TMEM132D: variants seen among roughly 807,000 people sequenced by gnomAD.
The protein encoded by TMEM132D is mature OL transmembrane protein.
In TMEM132D, 21 loss-of-function variants were observed where a neutral mutation model predicts 62.3. The ratio of observed to expected loss-of-function variants is 0.34; its 90% CI spans 0.24 to 0.49. The LOEUF (loss-of-function observed/expected upper bound fraction) is 0.49. Among genes scored for constraint, TMEM132D ranks in the 20% least tolerant of loss-of-function variants. TMEM132D has a pLI of 0.99. For missense variants in TMEM132D, 1,346 were observed against 1,402.8 expected, an observed-to-expected ratio of 0.96 and a Z score of 0.65; for synonymous variants, 621 against 575.6, an observed-to-expected ratio of 1.08 and a Z score of -1.13.
intron 1 of TMEM132D, among the ~76,000 whole-genome samples, chr12:129,753,935 C>T (rs984046947): frequency 6.6e-6 from 1 of 152,188 alleles, no homozygotes; most frequent in Non-Finnish European, 1.5e-5. Context: ...CCACTAGAGC[C>T]TGATAACCTC....
At chr12:129,660,059 G>A (rs1394062734) in intron 2 of TMEM132D, among the ~76,000 whole-genome samples, 1 of 152,192 alleles carries the variant, frequency 6.6e-6, no homozygotes, top group Non-Finnish European at 1.5e-5. Context: ...CCCTGGAAAG[G>A]GGAAGAGTTA....
At chr12:129,797,588 A>G (rs1259568422) in intron 1 of TMEM132D, among the ~76,000 whole-genome samples, 1 of 152,086 alleles carries the variant, frequency 6.6e-6, no homozygotes, top group South Asian at 2.1e-4. Flanking sequence ...CCCGGCTGTG[A>G]CTTACATGAG....
At chr12:129,728,562 T>G (rs1869115300) in intron 1 of TMEM132D, among the ~76,000 whole-genome samples, 1 of 152,244 alleles carries the variant, frequency 6.6e-6, no homozygotes, top group African/African-American at 2.4e-5. Context: ...GAGTCTCATT[T>G]AGAATTTCCA....
At chr12:129,593,844 T>A (rs1206940487) in intron 2 of TMEM132D, among the ~76,000 whole-genome samples, 1 of 152,204 alleles carries the variant, frequency 6.6e-6, no homozygotes, top group Non-Finnish European at 1.5e-5. Flanking sequence ...GTATTTTTTT[T>A]AAAATGTCAA....
chr12:129,253,837 C>A (rs148354860), intron 4 of TMEM132D, among the ~76,000 whole-genome samples: 4 of 152,082 alleles, frequency 2.6e-5, no homozygotes, highest in Admixed American at 2.6e-4. Flanking sequence ...AGTCCTTCCA[C>A]GGGAATTAAC....
intron 3 of TMEM132D, among the ~76,000 whole-genome samples, chr12:129,360,624 G>A (rs2135674154): frequency 6.6e-6 from 1 of 151,572 alleles, no homozygotes; most frequent in African/African-American, 2.4e-5. Flanking sequence ...TCTGGCCAGG[G>A]ATCTGATCAC....
intron 1 of TMEM132D, among the ~76,000 whole-genome samples, chr12:129,803,193 T>C (rs1312538678): frequency 6.6e-6 from 1 of 151,478 alleles, no homozygotes; most frequent in Non-Finnish European, 1.5e-5. Flanking sequence ...GCGGGCCTAA[T>C]AGACATCTAC....
At chr12:129,490,174 G>T (rs530948619) in intron 3 of TMEM132D, among the ~76,000 whole-genome samples, 1 of 152,140 alleles carries the variant, frequency 6.6e-6, no homozygotes, top group East Asian at 1.9e-4. Flanking sequence ...TTTTTAAGTG[G>T]TTTTCTTTTT....
chr12:129,587,806 C>T (rs1286096288), intron 2 of TMEM132D, among the ~76,000 whole-genome samples: 2 of 152,156 alleles, frequency 1.3e-5, no homozygotes, highest in Non-Finnish European at 2.9e-5. Flanking sequence ...TCAGTGAGAT[C>T]AGGATGCTGG....
intron 2 of TMEM132D, among the ~76,000 whole-genome samples, chr12:129,659,893 T>G (rs1880192358): frequency 6.6e-6 from 1 of 152,206 alleles, no homozygotes; most frequent in African/African-American, 2.4e-5. Context: ...GACCGAGGAA[T>G]TTTATATAAG....
intron 1 of TMEM132D, among the ~76,000 whole-genome samples, chr12:129,755,795 G>A (rs1870150174): frequency 6.6e-6 from 1 of 152,280 alleles, no homozygotes; most frequent in Middle Eastern, 3.4e-3. Context: ...ACCCATTCCT[G>A]TCCCAAGCAC....
At chr12:129,143,551 T>C (rs182867387) in intron 5 of TMEM132D, among the ~76,000 whole-genome samples, 167 of 152,178 alleles carry the variant, frequency 1.1e-3, no homozygotes, top group Middle Eastern at 3.4e-3. Flanking sequence ...TGGTGAAAAA[T>C]CGGCAGCAGA....
intron 5 of TMEM132D, among the ~76,000 whole-genome samples, chr12:129,117,516 C>T (rs760225356): frequency 6.6e-6 from 1 of 152,154 alleles, no homozygotes; most frequent in Non-Finnish European, 1.5e-5. Context: ...GTGTTTTCCA[C>T]ATATCGGCTT....
chr12:129,366,036 A>G (rs1168300887), intron 3 of TMEM132D, among the ~76,000 whole-genome samples: 1 of 152,162 alleles, frequency 6.6e-6, no homozygotes, highest in Non-Finnish European at 1.5e-5. Context: ...CTCATTCTAT[A>G]TTTTAATAAT....
chr12:129,664,585 C>T (rs941560916), intron 2 of TMEM132D, among the ~76,000 whole-genome samples: 8 of 151,900 alleles, frequency 5.3e-5, no homozygotes, highest in African/African-American at 1.9e-4. Flanking sequence ...CCACCACGCC[C>T]AGCTAATTTT....
chr12:129,749,308 T>C (rs1869921150), intron 1 of TMEM132D, among the ~76,000 whole-genome samples: 1 of 152,116 alleles, frequency 6.6e-6, no homozygotes, highest in African/African-American at 2.4e-5. Flanking sequence ...TACGATTGCC[T>C]CTCTGTAGCT....
At chr12:129,476,240 G>A (rs369168159) in intron 3 of TMEM132D, among the ~76,000 whole-genome samples, 2 of 152,322 alleles carry the variant, frequency 1.3e-5, no homozygotes, top group South Asian at 4.1e-4. Flanking sequence ...ATGTACACAC[G>A]GTGGGAGGAA....
intron 5 of TMEM132D, among the ~76,000 whole-genome samples, chr12:129,187,698 G>A (rs1313710680): frequency 1.3e-5 from 2 of 152,188 alleles, no homozygotes; most frequent in African/African-American, 4.8e-5. Flanking sequence ...AAGTCATTCT[G>A]TGGCACTGGA....
At chr12:129,619,261 G>A (rs918390073) in intron 2 of TMEM132D, among the ~76,000 whole-genome samples, 11 of 152,108 alleles carry the variant, frequency 7.2e-5, no homozygotes, top group Admixed American at 6.6e-5. Flanking sequence ...AGGGGCCTTC[G>A]AATTTTATTT....
Sources: allele counts gnomAD v4.1 joint callset (sites outside exome capture counted in the v4.1 genomes callset), GRCh38; gene constraint gnomAD v4.1.1; transcripts MANE v1.5; gene names NCBI Gene and HGNC (gene_info 2026-07-23, HGNC 2026-07-21).